RAD21: variants seen among roughly 807,000 people sequenced by gnomAD.
RAD21 encodes double-strand-break repair protein rad21 homolog.
A neutral mutation model predicts 71.5 loss-of-function variants in RAD21; 18 were observed. The ratio of observed to expected loss-of-function variants is 0.25; its 90% confidence interval spans 0.17 to 0.37. The LOEUF (loss-of-function observed/expected upper bound fraction) is 0.37, where lower values mean the gene tolerates loss of function less well. RAD21 is among the 10% of genes least tolerant of loss of function. The probability of loss-of-function intolerance (pLI) is 1.00; values close to 1 mark genes in which losing one functional copy is unlikely to be tolerated. For missense variants in RAD21, 493 were observed against 769.1 expected (o/e 0.64, Z 4.25); for synonymous variants, 248 against 254.0 (o/e 0.98, Z 0.22).
At chr8:116,861,653 A>C (rs1812596271) in intron 4 of RAD21, among the ~76,000 whole-genome samples, 188 bp downstream of exon 4, 1 of 151,912 alleles carries the variant, frequency 6.6e-6, no homozygotes, top group Non-Finnish European at 1.5e-5. Flanking sequence ...TGACATCCAC[A>C]TGATTTTCTT....
At chr8:116,866,949 A>T (rs528321967) in intron 1 of RAD21, 188 bp from the exon 2 acceptor site, 117 of 346,034 alleles carry the variant, frequency 3.4e-4, no homozygotes, top group Non-Finnish European at 5.3e-4. Flanking sequence ...TTGAGAGAGG[A>T]AAAAAAAATA....
intron 1 of RAD21, among the ~76,000 whole-genome samples, chr8:116,873,800 C>A (rs1586282127): frequency 6.6e-6 from 1 of 152,070 alleles, no homozygotes; most frequent in East Asian, 1.9e-4. Flanking sequence ...CCTTTTTCAG[C>A]GACGAAAAGG....
rs2130449818 is a variant in RAD21, at chr8:116,847,549, G to A, written c.1847C>T (p.Pro616Leu). 6.2e-7 allele frequency: 1 copy of A among 1,613,980 alleles called. No individual in the cohort carries two copies. The highest frequency in any genetic ancestry group is 1.1e-5 in the South Asian group (1 of 91,060). The change falls in exon 14 of 14, where the codon CCG becomes CTG. Residue 616 changes from proline to leucine, a missense_variant. Physicochemically the swap from Pro to Leu is moderately conservative, Grantham distance 98. Transcript: ENST00000297338. Reference protein sequence around the residue: ...QQAIELTQEEPYSDIIATPGP... With the variant: ...QQAIELTQEELYSDIIATPGP... ...AGGTGTTGCGATGATGTCACTGTACGGTTCTTCCTGTGTCAGCTCAATAGC... is the reference window on the plus strand; with the variant it reads ...AGGTGTTGCGATGATGTCACTGTACAGTTCTTCCTGTGTCAGCTCAATAGC...
chr8:116,859,397 T>C (rs1812539224), intron 4 of RAD21, among the ~76,000 whole-genome samples: 3 of 152,064 alleles, frequency 2.0e-5, no homozygotes, highest in African/African-American at 4.8e-5. Flanking sequence ...CTTTAAAATT[T>C]TTTTCCTTAT....
chr8:116,848,901 A>G (rs1456332021), intron 13 of RAD21, 45 bp downstream of exon 13: 2 of 1,515,608 alleles, frequency 1.3e-6, no homozygotes, highest in African/African-American at 1.4e-5. Context: ...ACAATGGCAA[A>G]AGCCTTTGAT....
chr8:116,854,122 A>G, intron 9 of RAD21, 123 bp downstream of exon 9: 1 of 731,944 alleles, frequency 1.4e-6, no homozygotes, highest in South Asian at 1.9e-5. Flanking sequence ...TTTAAGGGAG[A>G]AAAAAGAAAA....
At chr8:116,865,436 TA>T (rs111596588) in intron 2 of RAD21, among the ~76,000 whole-genome samples, 1 of 151,710 alleles carries the variant, frequency 6.6e-6, no homozygotes, top group Non-Finnish European at 1.5e-5. Flanking sequence ...AGCATACCTA[TA>T]AAAAAAATTG....
At chr8:116,857,757 T>C (rs1812499929) in intron 5 of RAD21, among the ~76,000 whole-genome samples, 1 of 152,084 alleles carries the variant, frequency 6.6e-6, no homozygotes, top group Non-Finnish European at 1.5e-5. Flanking sequence ...TATGTATGTA[T>C]GTTAAGTTAC....
At chr8:116,861,451 C>A (rs947664906) in intron 4 of RAD21, among the ~76,000 whole-genome samples, 1 of 150,790 alleles carries the variant, frequency 6.6e-6, no homozygotes, top group Admixed American at 6.7e-5. Context: ...TAAAAACAAA[C>A]CAGAACAGAA....
intron 11 of RAD21, 101 bp downstream of exon 11, chr8:116,851,845 TTC>T: frequency 1.6e-6 from 2 of 1,282,220 alleles, no homozygotes; most frequent in Non-Finnish European, 2.2e-6. Context: ...CCTTACCATT[TTC>T]TGTCAAAACC....
chr8:116,848,856 C>A (rs755970150), intron 13 of RAD21, 90 bp downstream of exon 13: 16 of 974,938 alleles, frequency 1.6e-5, no homozygotes, highest in Non-Finnish European at 2.4e-5. Context: ...GGTATGCTTT[C>A]TGTTTCCAGC....
Position 116,852,661 on chromosome 8 carries a change from T to C in RAD21, c.1209A>G (p.Lys403=), listed in dbSNP as rs1216981761. The change falls in exon 10 of 14, where the codon AAA becomes AAG. Residue 403 remains lysine, a synonymous_variant. Coordinates refer to ENST00000297338, the MANE Select transcript of RAD21 (RefSeq NM_006265.3). Reference sequence around the variant, plus strand: ...TATCTGCCTCTCCTCCTTTCCTCCTTTTTCTAAGGTCTTCTGGTACAAGCG... The same window carrying C: ...TATCTGCCTCTCCTCCTTTCCTCCTCTTTCTAAGGTCTTCTGGTACAAGCG... ...LTPLVPEDLR[K]RRKGGEADNL... The C allele has an allele frequency of 2.5e-6, 4 of 1,613,312 alleles. No homozygotes were observed. In the South Asian group the frequency reaches 4.4e-5, roughly 18 times the overall value.
At chr8:116,864,709 T>C (rs1812657580) in intron 2 of RAD21, among the ~76,000 whole-genome samples, 1 of 152,158 alleles carries the variant, frequency 6.6e-6, no homozygotes, top group Non-Finnish European at 1.5e-5. Flanking sequence ...GCTATTATCT[T>C]ATCTAGAACT....
In RAD21 at chr8:116,846,486, G is replaced by A. The variant is rs1195421473; in HGVS notation, c.*1014C>T. 11 of 223,832 alleles carry A rather than the reference G, an allele frequency of 4.9e-5. No homozygotes were observed. Among genetic ancestry groups the A allele is most frequent in the East Asian group, 6.5e-5 (1 of 15,398 alleles). The allele number at this position is 223,832 out of a possible 1,614,324, so 13.9% of individuals were successfully genotyped here. On this transcript the variant is annotated 3_prime_UTR_variant, in exon 14 of 14. Transcript: ENST00000297338. Reference sequence around the variant, plus strand: ...TACAGGAAACTGGATATAGGATTTCGTTGCAACGCTATTAAAGTTCCAAAC... The same window carrying A: ...TACAGGAAACTGGATATAGGATTTCATTGCAACGCTATTAAAGTTCCAAAC...
At chr8:116,855,870 T>C (rs984503669) in intron 8 of RAD21, among the ~76,000 whole-genome samples, 3 of 152,182 alleles carry the variant, frequency 2.0e-5, no homozygotes, top group Non-Finnish European at 4.4e-5. Flanking sequence ...AGATATGCAT[T>C]ATCAGAAAGC....
intron 3 of RAD21, among the ~76,000 whole-genome samples, chr8:116,862,765 TC>T (rs1652675448): frequency 6.6e-6 from 1 of 152,216 alleles, no homozygotes; most frequent in Admixed American, 6.5e-5. Context: ...AAGTTTAAAA[TC>T]CTAAAATTGT....
intron 3 of RAD21, 65 bp from the exon 4 acceptor site, chr8:116,862,005 A>G (rs1390649939): frequency 2.4e-6 from 3 of 1,231,518 alleles, no homozygotes; most frequent in Non-Finnish European, 3.6e-6. Context: ...TCAGAGGGAG[A>G]TAAGTAGGTA....
intron 1 of RAD21, among the ~76,000 whole-genome samples, chr8:116,873,205 T>C (rs983247175): frequency 2.0e-5 from 3 of 152,230 alleles, no homozygotes; most frequent in Non-Finnish European, 4.4e-5. Context: ...AAAGCGTTTC[T>C]TAGAATTTGT....
chr8:116,856,558 A>G (rs1265296004), intron 7 of RAD21, 88 bp downstream of exon 7: 12 of 1,370,716 alleles, frequency 8.8e-6, no homozygotes, highest in Non-Finnish European at 1.1e-5. Flanking sequence ...ACTAAAAACT[A>G]CAACTTTTAG....
Sources: allele counts gnomAD v4.1 joint callset (sites outside exome capture counted in the v4.1 genomes callset), GRCh38; gene constraint gnomAD v4.1.1; transcripts MANE v1.5; gene names NCBI Gene and HGNC (gene_info 2026-07-23, HGNC 2026-07-21).